The following SCAMP1 variants were observed in gnomAD, a reference collection of about 807,000 sequenced individuals.
SCAMP1 encodes secretory carrier-associated membrane protein 1.
In SCAMP1, 15 loss-of-function variants were observed where a neutral mutation model predicts 41.8. The ratio of observed to expected loss-of-function variants is 0.36; its 90% CI spans 0.24 to 0.55. The LOEUF (loss-of-function observed/expected upper bound fraction) is 0.55. Among genes scored for constraint, SCAMP1 ranks in the 20% least tolerant of loss-of-function variants. The probability of loss-of-function intolerance (pLI) is 0.86; values close to 1 mark genes in which losing one functional copy is unlikely to be tolerated. For synonymous variants in SCAMP1, 135 were observed against 136.8 expected (o/e 0.99, Z 0.09); for missense variants, 341 against 412.6 (o/e 0.83, Z 1.50).
chr5:78,393,399 T>C (rs188560405), intron 2 of SCAMP1, among the ~76,000 whole-genome samples: 35 of 152,256 alleles, frequency 2.3e-4, no homozygotes, highest in African/African-American at 7.7e-4. Context: ...CTCAAACTCC[T>C]GGCCTCAAGT....
chr5:78,403,658 C>T lies in SCAMP1; in HGVS notation c.136-11862C>T, dbSNP rs559406825. 1.4e-4 allele frequency among the ~76,000 whole-genome samples: 22 copies of T among 151,994 alleles called. No homozygotes were observed. In the South Asian group the frequency reaches 4.6e-3, roughly 32 times the overall value. On this transcript the variant is annotated intron_variant, in intron 2 of 8. Coordinates refer to ENST00000621999, the MANE Select transcript of SCAMP1 (RefSeq NM_004866.6). ...CTCTACAAAACAAAACAAAACAAAA[C>T]AAAGAACAAAAATTAGCCAGGCATC...
At chr5:78,410,839 C>G (rs4527582) in intron 2 of SCAMP1, among the ~76,000 whole-genome samples, 41,493 of 152,032 alleles carry the variant, frequency 0.27, 5,951 homozygotes, top group East Asian at 0.54. Flanking sequence ...AGTTACCATT[C>G]TGACTGGTGT....
intron 7 of SCAMP1, among the ~76,000 whole-genome samples, chr5:78,450,447 G>A (rs1385793437): frequency 1.3e-5 from 2 of 152,124 alleles, no homozygotes; most frequent in East Asian, 1.9e-4. Flanking sequence ...TTTTATATAC[G>A]AATATACATG....
chr5:78,400,406 C>G (rs1182440080), intron 2 of SCAMP1, among the ~76,000 whole-genome samples: 5 of 152,134 alleles, frequency 3.3e-5, no homozygotes, highest in Non-Finnish European at 7.3e-5. Context: ...CACAAAATAA[C>G]TTGCTGGGAT....
intron 6 of SCAMP1, among the ~76,000 whole-genome samples, chr5:78,438,757 C>T (rs1031730270): frequency 6.6e-6 from 1 of 152,128 alleles, no homozygotes; most frequent in African/African-American, 2.4e-5. Context: ...GAGTTCAAGT[C>T]CTGGATATCC....
chr5:78,384,040 A>T (rs564847567), intron 1 of SCAMP1, among the ~76,000 whole-genome samples: 2 of 152,028 alleles, frequency 1.3e-5, no homozygotes, highest in Admixed American at 6.6e-5. Flanking sequence ...CATTTTCACA[A>T]TATTGATTCT....
At chr5:78,439,027 G>A (rs778677778) in intron 6 of SCAMP1, among the ~76,000 whole-genome samples, 12 of 152,138 alleles carry the variant, frequency 7.9e-5, no homozygotes, top group South Asian at 2.1e-4. Flanking sequence ...TCAGAGACTA[G>A]GATTGCAACC....
At chr5:78,462,967 A>G (rs1333249129) in intron 8 of SCAMP1, among the ~76,000 whole-genome samples, 2 of 152,184 alleles carry the variant, frequency 1.3e-5, no homozygotes, top group Non-Finnish European at 2.9e-5. Context: ...CCATTTCATT[A>G]CTTGAGACTA....
At chr5:78,436,510 G>A (rs1360769842) in intron 6 of SCAMP1, among the ~76,000 whole-genome samples, 1 of 152,152 alleles carries the variant, frequency 6.6e-6, no homozygotes, top group Non-Finnish European at 1.5e-5. Context: ...TTTTTGTCAG[G>A]TTTGTCAAAG....
intron 2 of SCAMP1, among the ~76,000 whole-genome samples, chr5:78,397,348 A>G (rs775775572): frequency 2.0e-5 from 3 of 152,192 alleles, no homozygotes; most frequent in Non-Finnish European, 2.9e-5. Context: ...TCATAGACCT[A>G]AAGGTAAGCA....
chr5:78,455,104 A>G (rs1470866450), intron 7 of SCAMP1, among the ~76,000 whole-genome samples: 9 of 150,302 alleles, frequency 6.0e-5, no homozygotes, highest in Admixed American at 4.0e-4. Context: ...CTAGTGGTCT[A>G]TCAATTTTGT....
intron 6 of SCAMP1, among the ~76,000 whole-genome samples, chr5:78,428,903 G>T (rs1752530828): frequency 6.6e-6 from 1 of 151,832 alleles, no homozygotes; most frequent in South Asian, 2.1e-4. Context: ...TTTCCTCTTT[G>T]GATTGTTTGT....
At chr5:78,382,808 T>C (rs1751240943) in intron 1 of SCAMP1, among the ~76,000 whole-genome samples, 1 of 140,194 alleles carries the variant, frequency 7.1e-6, no homozygotes, top group Non-Finnish European at 1.6e-5. Context: ...TGTGTGTGTG[T>C]GTGTGTGTGT....
At chr5:78,472,607 G>A (rs1267418953) in intron 8 of SCAMP1, among the ~76,000 whole-genome samples, 1 of 151,876 alleles carries the variant, frequency 6.6e-6, no homozygotes, top group Non-Finnish European at 1.5e-5. Context: ...TGGATATAAT[G>A]GATTTAATAC....
intron 7 of SCAMP1, among the ~76,000 whole-genome samples, chr5:78,450,490 C>T (rs1018157438): frequency 4.6e-5 from 7 of 152,186 alleles, no homozygotes; most frequent in Non-Finnish European, 8.8e-5. Flanking sequence ...AATAACTGCA[C>T]ACACGTTATA....
chr5:78,365,078 T>G (rs1316388238), intron 1 of SCAMP1, among the ~76,000 whole-genome samples: 1 of 152,180 alleles, frequency 6.6e-6, no homozygotes, highest in African/African-American at 2.4e-5. Flanking sequence ...TCTATAGGAT[T>G]GTAAATAGGA....
chr5:78,398,541 ATTTTTTTTTTTTTTTTTT>A (rs57209214), intron 2 of SCAMP1, among the ~76,000 whole-genome samples: 2 of 44,226 alleles, frequency 4.5e-5, no homozygotes, highest in Non-Finnish European at 8.4e-5. Context: ...AAGGTTCACT[ATTTTTTTTTTTTTTTTTT>A]TTTTTTTTTT....
chr5:78,445,627 C>T (rs1753035142), intron 6 of SCAMP1, among the ~76,000 whole-genome samples: 2 of 151,862 alleles, frequency 1.3e-5, no homozygotes, highest in Admixed American at 1.3e-4. Context: ...TTCTTCTTCC[C>T]CTGATGATGT....
At position 78,477,363 on chromosome 5, in the gene SCAMP1, C is replaced by G. The variant is rs1484938171; in HGVS notation, c.*1695C>G. 1 of 152,092 alleles carries G rather than the reference C, an allele frequency of 6.6e-6. No homozygotes were observed. The highest frequency in any genetic ancestry group is 6.5e-5 in the Admixed American group (1 of 15,284). The allele number at this position is 152,092 out of a possible 1,614,324, so 9.4% of individuals were successfully genotyped here. ...TTAAAGCTATTTTTTGTAAATATTT[C>G]TAATCAGCGATAATTTCTACCTATG... On this transcript the variant is annotated 3_prime_UTR_variant, in exon 9 of 9. Coordinates refer to ENST00000621999, the MANE Select transcript of SCAMP1 (RefSeq NM_004866.6).
Sources: gnomAD v4.1 joint callset for allele counts (sites outside exome capture counted in the v4.1 genomes callset) on GRCh38, gnomAD v4.1.1 for gene constraint, MANE v1.5 for transcripts, NCBI Gene and HGNC (gene_info 2026-07-23, HGNC 2026-07-21) for gene names.